The following TMEFF2 variants were observed in gnomAD, a reference collection of about 807,000 sequenced individuals.
The protein encoded by TMEFF2 is tomoregulin-2.
Under a neutral mutation model 53.8 loss-of-function variants are expected in TMEFF2, and 28 were observed. That is an observed-to-expected ratio of 0.52 (90% CI 0.39 to 0.71). TMEFF2 has a LOEUF of 0.71. Among genes scored for constraint, TMEFF2 ranks in the 30% least tolerant of loss-of-function variants. TMEFF2 has a pLI of 0.00. For missense variants in TMEFF2, 353 were observed against 455.2 expected (o/e 0.78, Z 2.04); for synonymous variants, 162 against 166.3 (o/e 0.97, Z 0.20).
At chr2:192,175,916 G>T (rs1691029822) in intron 4 of TMEFF2, among the ~76,000 whole-genome samples, 1 of 151,282 alleles carries the variant, frequency 6.6e-6, no homozygotes. Flanking sequence ...CAGTAATGGA[G>T]ATATTCATAG....
chr2:192,143,717 C>T (rs1334110914), intron 4 of TMEFF2, among the ~76,000 whole-genome samples: 2 of 151,860 alleles, frequency 1.3e-5, no homozygotes, highest in African/African-American at 4.8e-5. Context: ...TTTGAGTATC[C>T]CCATGACAAC....
chr2:192,054,034 TTCTTG>T lies in TMEFF2; in HGVS notation c.536+3640_536+3644del, dbSNP rs1291479792. Among the ~76,000 whole-genome samples the T allele has an allele frequency of 3.3e-5, 5 of 152,180 alleles. 1 individual carries two copies. The highest frequency in any genetic ancestry group is 3.3e-4 in the Admixed American group (5 of 15,278). ...TTTATTTAAACACTAATAACTTTTG[TTCTTG>T]TCTTGGAAGTCTAATGATCTTCTTG... On this transcript the variant is annotated intron_variant, in intron 5 of 9. Coordinates refer to ENST00000272771, the MANE Select transcript of TMEFF2 (RefSeq NM_016192.4).
At chr2:192,085,309 T>C (rs575682957) in intron 4 of TMEFF2, among the ~76,000 whole-genome samples, 1 of 152,208 alleles carries the variant, frequency 6.6e-6, no homozygotes, top group South Asian at 2.1e-4. Context: ...TCACAGTTCC[T>C]CAGTAAATTG....
intron 4 of TMEFF2, among the ~76,000 whole-genome samples, chr2:192,068,461 T>C (rs933774576): frequency 9.2e-5 from 14 of 151,778 alleles, no homozygotes; most frequent in Non-Finnish European, 1.5e-4. Context: ...AACATCTAAA[T>C]TTGGTTTCTT....
chr2:192,174,813 A>T (rs1690999564), intron 4 of TMEFF2, among the ~76,000 whole-genome samples: 1 of 151,634 alleles, frequency 6.6e-6, no homozygotes, highest in Non-Finnish European at 1.5e-5. Context: ...GGTGGGGGGA[A>T]CAAAACATAC....
In TMEFF2 at chr2:192,050,259, G is replaced by GT. The variant is rs535270864; in HGVS notation, c.536+7419dup. Reference sequence around the variant, plus strand: ...TCTTGGTATTCTACACCAGATCTGGGTTTGTAGCTGTCATAACCTAATTAA... The same window carrying GT: ...TCTTGGTATTCTACACCAGATCTGGGTTTTGTAGCTGTCATAACCTAATTAA... On this transcript the variant is annotated intron_variant, in intron 5 of 9. Coordinates refer to ENST00000272771, the MANE Select transcript of TMEFF2 (RefSeq NM_016192.4). Among the ~76,000 whole-genome samples, 29 of 152,218 alleles carry GT rather than the reference G, an allele frequency of 1.9e-4. No individual in the cohort carries two copies. The East Asian group carries it at 5.6e-3, about 29-fold the overall frequency.
rs142777581 is a variant in TMEFF2, at chr2:192,045,908, T to C, written c.536+11771A>G. Among the ~76,000 whole-genome samples the C allele has an allele frequency of 2.6e-3, 392 of 152,296 alleles. 2 individuals are homozygous for C. Among genetic ancestry groups the C allele is most frequent in the African/African-American group, 9.2e-3 (381 of 41,548 alleles). ...CACAATGCTTCTCCCAAAACTACCA[T>C]CCATGGACTTACGGAATGCTTTATC... On this transcript the variant is annotated intron_variant, in intron 5 of 9. Coordinates refer to ENST00000272771, the MANE Select transcript of TMEFF2 (RefSeq NM_016192.4).
chr2:192,103,978 C>A (rs573423021), intron 4 of TMEFF2, among the ~76,000 whole-genome samples: 1 of 151,628 alleles, frequency 6.6e-6, no homozygotes, highest in Non-Finnish European at 1.5e-5. Flanking sequence ...GAAAAGCCAC[C>A]GGGAGTTTTG....
chr2:192,011,980 A>G (rs759260438), intron 5 of TMEFF2, among the ~76,000 whole-genome samples: 7 of 151,948 alleles, frequency 4.6e-5, no homozygotes, highest in Non-Finnish European at 1.0e-4. Flanking sequence ...TCTGCCTCCC[A>G]AGTTCTCGCC....
chr2:192,112,216 C>A (rs534888988), intron 4 of TMEFF2, among the ~76,000 whole-genome samples: 1 of 152,302 alleles, frequency 6.6e-6, no homozygotes, highest in Non-Finnish European at 1.5e-5. Flanking sequence ...TGCATACACT[C>A]AACACTAGGC....
At chr2:192,119,790 T>C (rs1689504442) in intron 4 of TMEFF2, among the ~76,000 whole-genome samples, 2 of 152,302 alleles carry the variant, frequency 1.3e-5, no homozygotes, top group African/African-American at 4.8e-5. Flanking sequence ...TCTAAATGAA[T>C]TGACAGCAGT....
chr2:191,963,073 T>C (rs1692317924), intron 7 of TMEFF2, among the ~76,000 whole-genome samples: 1 of 152,154 alleles, frequency 6.6e-6, no homozygotes, highest in Non-Finnish European at 1.5e-5. Flanking sequence ...GAGGTAGGAA[T>C]CTATGGTTCA....
intron 7 of TMEFF2, among the ~76,000 whole-genome samples, chr2:191,957,429 C>A (rs1444158422): frequency 6.6e-6 from 1 of 152,044 alleles, no homozygotes; most frequent in Non-Finnish European, 1.5e-5. Context: ...TGGAAAATGG[C>A]AAATGAATTC....
At chr2:191,954,667 A>G (rs1692009309) in intron 8 of TMEFF2, among the ~76,000 whole-genome samples, 1 of 152,056 alleles carries the variant, frequency 6.6e-6, no homozygotes, top group Non-Finnish European at 1.5e-5. Context: ...TTTCTGGTCA[A>G]AAAAATCATC....
At chr2:192,128,039 T>C (rs999413142) in intron 4 of TMEFF2, among the ~76,000 whole-genome samples, 2 of 152,210 alleles carry the variant, frequency 1.3e-5, no homozygotes, top group African/African-American at 4.8e-5. Flanking sequence ...ATATTTCCAA[T>C]CTTGATTTGC....
rs186782567 is a variant in TMEFF2 at position 192,103,383 on chromosome 2, G to A, written c.440-45608C>T. Reference sequence around the variant, plus strand: ...CTGTTCACACCTCTGCTTGGATTACGGCCTGGATATGGACCTTTTAGTTTT... The same window carrying A: ...CTGTTCACACCTCTGCTTGGATTACAGCCTGGATATGGACCTTTTAGTTTT... On this transcript the variant is annotated intron_variant, in intron 4 of 9. Coordinates refer to ENST00000272771, the MANE Select transcript of TMEFF2 (RefSeq NM_016192.4). Among the ~76,000 whole-genome samples the A allele has an allele frequency of 2.6e-3, 400 of 152,038 alleles. 1 individual carries two copies. The highest frequency in any genetic ancestry group is 8.5e-3 in the African/African-American group (354 of 41,476).
intron 5 of TMEFF2, among the ~76,000 whole-genome samples, chr2:192,028,389 T>C (rs9646818): frequency 0.19 from 29,306 of 152,062 alleles, 3,227 homozygotes; most frequent in East Asian, 0.38. Context: ...GATGCCTCTT[T>C]TGTTCAAACC....
At chr2:192,027,556 G>A (rs961977252) in intron 5 of TMEFF2, among the ~76,000 whole-genome samples, 3 of 152,170 alleles carry the variant, frequency 2.0e-5, no homozygotes, top group Non-Finnish European at 4.4e-5. Flanking sequence ...TGGTCCTCAA[G>A]GGTCTTGCCT....
At chr2:192,165,896 C>G (rs1306525115) in intron 4 of TMEFF2, among the ~76,000 whole-genome samples, 1 of 152,144 alleles carries the variant, frequency 6.6e-6, no homozygotes, top group East Asian at 1.9e-4. Context: ...ACAAATATCT[C>G]TGAATTTAGA....
Sources: allele counts gnomAD v4.1 joint callset (sites outside exome capture counted in the v4.1 genomes callset), GRCh38; gene constraint gnomAD v4.1.1; transcripts MANE v1.5; gene names NCBI Gene and HGNC (gene_info 2026-07-23, HGNC 2026-07-21).